The following XYLT1 variants were observed in gnomAD, a reference collection of about 807,000 sequenced individuals.
XYLT1 encodes xylosyltransferase 1.
In XYLT1, 36 loss-of-function variants were observed where a neutral mutation model predicts 91.3. That is an observed-to-expected ratio of 0.39 (90% confidence interval 0.30 to 0.52). The LOEUF is 0.52. Ranked by LOEUF, XYLT1 falls within the 20% of genes least tolerant of loss-of-function variation. XYLT1 has a pLI of 0.68. For synonymous variants in XYLT1, 588 were observed against 532.0 expected, an observed-to-expected ratio of 1.11 and a Z score of -1.45; for missense variants, 1,242 against 1,284.5, an observed-to-expected ratio of 0.97 and a Z score of 0.51.
chr16:17,265,520 C>T (rs953318447), intron 2 of XYLT1, among the ~76,000 whole-genome samples: 1 of 152,190 alleles, frequency 6.6e-6, no homozygotes, highest in Admixed American at 6.5e-5. Flanking sequence ...TGTTTGTGTG[C>T]AAGCTCCAAA....
chr16:17,280,787 C>T (rs149422284), intron 2 of XYLT1, among the ~76,000 whole-genome samples: 3 of 152,136 alleles, frequency 2.0e-5, no homozygotes, highest in Non-Finnish European at 2.9e-5. Context: ...ATCTCCTTTG[C>T]GTTTGCTTGT....
At chr16:17,427,273 A>G (rs867351889) in intron 1 of XYLT1, among the ~76,000 whole-genome samples, 6 of 152,220 alleles carry the variant, frequency 3.9e-5, no homozygotes, top group Admixed American at 1.3e-4. Flanking sequence ...CACGAACAAC[A>G]TCTCCAAGTC....
intron 1 of XYLT1, among the ~76,000 whole-genome samples, chr16:17,397,402 G>A (rs552262582): frequency 1.7e-3 from 264 of 152,178 alleles, no homozygotes; most frequent in African/African-American, 6.0e-3. Flanking sequence ...AGACAACATT[G>A]GATGGCTGGG....
intron 2 of XYLT1, among the ~76,000 whole-genome samples, chr16:17,298,393 G>A (rs934864224): frequency 3.9e-5 from 6 of 152,292 alleles, no homozygotes; most frequent in African/African-American, 7.2e-5. Context: ...GCCTGGTGGC[G>A]AGTGCCCTCA....
intron 11 of XYLT1, among the ~76,000 whole-genome samples, chr16:17,112,170 C>CAATA (rs1179576538): frequency 1.3e-5 from 2 of 152,166 alleles, no homozygotes; most frequent in Non-Finnish European, 2.9e-5. Context: ...AACGCTATTA[C>CAATA]AATATTAGCT....
chr16:17,283,389 C>A (rs1031210528), intron 2 of XYLT1, among the ~76,000 whole-genome samples: 2 of 152,154 alleles, frequency 1.3e-5, no homozygotes, highest in Non-Finnish European at 1.5e-5. Context: ...TCTTCACATC[C>A]CAGAGGAAGG....
At position 17,405,095 on chromosome 16, in the gene XYLT1, CTGA is replaced by C. The variant is rs577428382; in HGVS notation, c.364-47048_364-47046del. Among the ~76,000 whole-genome samples, 274 of 152,338 alleles carry C rather than the reference CTGA, an allele frequency of 1.8e-3. 2 individuals carry two copies. Among genetic ancestry groups the C allele is most frequent in the Non-Finnish European group, 3.0e-3 (206 of 68,032 alleles). On this transcript the variant is annotated intron_variant, in intron 1 of 11. Transcript: ENST00000261381. ...CACCCCGCGCCACCTCTCTACACAG[CTGA>C]TGTTGCTGATCAATGTCGCGGCTGT...
At chr16:17,152,450 T>A (rs118160379) in intron 6 of XYLT1, among the ~76,000 whole-genome samples, 6,032 of 152,308 alleles carry the variant, frequency 0.04, 206 homozygotes, top group Non-Finnish European at 0.053. Flanking sequence ...CTATTGGAGA[T>A]GAGATATTAA....
chr16:17,287,783 G>A (rs957883145), intron 2 of XYLT1, among the ~76,000 whole-genome samples: 10 of 152,290 alleles, frequency 6.6e-5, no homozygotes, highest in Admixed American at 3.3e-4. Flanking sequence ...ACAGACAGAC[G>A]CTGGGCATCT....
intron 1 of XYLT1, among the ~76,000 whole-genome samples, chr16:17,430,720 A>G (rs1596541905): frequency 6.6e-6 from 1 of 152,164 alleles, no homozygotes; most frequent in African/African-American, 2.4e-5. Context: ...CAGATTCACA[A>G]TCCATGAACC....
At chr16:17,467,545 G>C (rs886402436) in intron 1 of XYLT1, among the ~76,000 whole-genome samples, 1 of 152,206 alleles carries the variant, frequency 6.6e-6, no homozygotes. Context: ...AAGAGGCTGA[G>C]AGGAAAAGGA....
At chr16:17,135,980 G>A (rs934093923) in intron 8 of XYLT1, among the ~76,000 whole-genome samples, 12 of 152,148 alleles carry the variant, frequency 7.9e-5, no homozygotes, top group Non-Finnish European at 1.2e-4. Flanking sequence ...GTAGGGCTGC[G>A]GAGACAAATA....
intron 3 of XYLT1, among the ~76,000 whole-genome samples, chr16:17,205,719 G>A (rs1270076969): frequency 6.6e-6 from 1 of 152,164 alleles, no homozygotes; most frequent in Non-Finnish European, 1.5e-5. Flanking sequence ...GTACTCTAGA[G>A]CCTGCTGCTT....
At chr16:17,433,271 T>C (rs1273118923) in intron 1 of XYLT1, among the ~76,000 whole-genome samples, 1 of 152,170 alleles carries the variant, frequency 6.6e-6, no homozygotes, top group Admixed American at 6.5e-5. Flanking sequence ...GGTCACACTC[T>C]GATGGCAGAA....
chr16:17,308,678 C>G (rs2034501467), intron 2 of XYLT1, among the ~76,000 whole-genome samples: 1 of 152,168 alleles, frequency 6.6e-6, no homozygotes, highest in African/African-American at 2.4e-5. Context: ...TTGAACAATA[C>G]CCTACTCTTC....
At chr16:17,360,874 C>T (rs11647118) in intron 1 of XYLT1, among the ~76,000 whole-genome samples, 15,655 of 152,232 alleles carry the variant, frequency 0.1, 1,228 homozygotes, top group Admixed American at 0.24. Context: ...TGTGCGTGCA[C>T]GCTACAGTGG....
chr16:17,165,290 G>GTA (rs1176312749), intron 5 of XYLT1, among the ~76,000 whole-genome samples: 1 of 152,164 alleles, frequency 6.6e-6, no homozygotes, highest in African/African-American at 2.4e-5. Context: ...ACGGGAACAT[G>GTA]TATATACATG....
chr16:17,451,010 G>A (rs1030045198), intron 1 of XYLT1, among the ~76,000 whole-genome samples: 1 of 152,188 alleles, frequency 6.6e-6, no homozygotes, highest in Non-Finnish European at 1.5e-5. Flanking sequence ...AAGGACAAAT[G>A]TTCTTTCATT....
intron 2 of XYLT1, among the ~76,000 whole-genome samples, chr16:17,269,919 C>A (rs963837028): frequency 6.6e-6 from 1 of 152,080 alleles, no homozygotes; most frequent in African/African-American, 2.4e-5. Flanking sequence ...TCAAGCAATT[C>A]TCCTGCCTCA....
Sources: gnomAD v4.1 joint callset for allele counts (sites outside exome capture counted in the v4.1 genomes callset) on GRCh38, gnomAD v4.1.1 for gene constraint, MANE v1.5 for transcripts, NCBI Gene and HGNC (gene_info 2026-07-23, HGNC 2026-07-21) for gene names.